CBFA2T2: variants seen among roughly 807,000 people sequenced by gnomAD.
CBFA2T2 encodes protein CBFA2T2.
Under a neutral mutation model 62.2 loss-of-function variants are expected in CBFA2T2, and 11 were observed. The observed-to-expected ratio is 0.18, with a 90% CI of 0.11 to 0.29. The LOEUF (loss-of-function observed/expected upper bound fraction) is 0.29, where lower values mean the gene tolerates loss of function less well. Among genes scored for constraint, CBFA2T2 ranks in the 10% least tolerant of loss-of-function variants. The probability of loss-of-function intolerance (pLI) is 1.00; values close to 1 mark genes in which losing one functional copy is unlikely to be tolerated. For synonymous variants in CBFA2T2, 295 were observed against 287.5 expected (o/e 1.03, Z -0.27); for missense variants, 592 against 774.1 (o/e 0.76, Z 2.79).
intron 4 of CBFA2T2, among the ~76,000 whole-genome samples, chr20:33,621,449 AC>A (rs1256305048): frequency 6.6e-6 from 1 of 151,596 alleles, no homozygotes; most frequent in East Asian, 1.9e-4. Context: ...GGCACGCGCC[AC>A]CACACCCGGC....
intron 1 of CBFA2T2, among the ~76,000 whole-genome samples, chr20:33,491,709 T>G (rs1017108267): frequency 6.7e-6 from 1 of 148,640 alleles, no homozygotes; most frequent in Non-Finnish European, 1.5e-5. Flanking sequence ...ATGAAAGGCT[T>G]TTTTTTTTTT....
At chr20:33,562,600 G>A (rs1374189904) in intron 1 of CBFA2T2, 2 of 985,664 alleles carry the variant, frequency 2.0e-6, no homozygotes, top group Non-Finnish European at 2.4e-6. Flanking sequence ...AGAAAAAGAG[G>A]AGCTTTGGAA....
At chr20:33,597,224 A>T (rs1396359301) in intron 1 of CBFA2T2, among the ~76,000 whole-genome samples, 1 of 151,824 alleles carries the variant, frequency 6.6e-6, no homozygotes, top group Non-Finnish European at 1.5e-5. Context: ...GAGCCACTGT[A>T]CCCGGCCTTT....
chr20:33,509,658 G>A (rs1023270860), intron 1 of CBFA2T2, among the ~76,000 whole-genome samples: 6 of 151,786 alleles, frequency 4.0e-5, no homozygotes, highest in African/African-American at 1.2e-4. Flanking sequence ...ATGAAACCTC[G>A]TCTCTACCAA....
intron 1 of CBFA2T2, chr20:33,562,199 A>G (rs1389011650): frequency 1.2e-5 from 2 of 162,176 alleles, no homozygotes; most frequent in Non-Finnish European, 2.6e-5. Flanking sequence ...GTTTTGCACA[A>G]TATCCTTGCT....
chr20:33,580,005 C>T (rs1487601985), intron 1 of CBFA2T2, among the ~76,000 whole-genome samples: 2 of 151,740 alleles, frequency 1.3e-5, no homozygotes, highest in Non-Finnish European at 2.9e-5. Flanking sequence ...TTAGTAGAGA[C>T]GGGGTTTCTC....
In CBFA2T2 at chr20:33,564,497, C is replaced by T. The variant is rs138093161; in HGVS notation, c.35-42459C>T. Among the ~76,000 whole-genome samples the T allele has an allele frequency of 3.7e-3, 564 of 151,938 alleles. 3 individuals are homozygous for T. Among genetic ancestry groups the T allele is most frequent in the African/African-American group, 0.013 (534 of 41,444 alleles). On this transcript the variant is annotated intron_variant, in intron 1 of 10. Coordinates refer to ENST00000342704, the MANE Select transcript of CBFA2T2 (RefSeq NM_001032999.3). The stretch of plus-strand genomic sequence containing the variant: ...GTCTTGAACTCCTGAACTTGTGATC[C>T]GCCTGCCTCAGCCTCCCAAAGTGCT...
chr20:33,490,390 G>A, intron 1 of CBFA2T2, 89 bp downstream of exon 1: 1 of 1,176,752 alleles, frequency 8.5e-7, no homozygotes, highest in Non-Finnish European at 1.1e-6. Flanking sequence ...CCCCGGGCGC[G>A]AGGCCGGGAG....
At chr20:33,620,318 G>A (rs1045419669) in intron 4 of CBFA2T2, among the ~76,000 whole-genome samples, 42 of 151,458 alleles carry the variant, frequency 2.8e-4, no homozygotes, top group Middle Eastern at 6.8e-3. Context: ...GACCAGACTG[G>A]CCAACATGGC....
intron 1 of CBFA2T2, among the ~76,000 whole-genome samples, chr20:33,582,946 A>C (rs1201076956): frequency 3.9e-5 from 6 of 152,188 alleles, no homozygotes; most frequent in African/African-American, 2.4e-5. Context: ...TCTAAAAAAA[A>C]AAAAAGAGGA....
chr20:33,500,107 G>A (rs774884832), intron 1 of CBFA2T2, among the ~76,000 whole-genome samples: 9 of 151,866 alleles, frequency 5.9e-5, no homozygotes, highest in Non-Finnish European at 8.8e-5. Context: ...ACAGGCGCCC[G>A]TCACCACACC....
At chr20:33,605,850 G>A (rs1357426340) in intron 1 of CBFA2T2, among the ~76,000 whole-genome samples, 1 of 150,564 alleles carries the variant, frequency 6.6e-6, no homozygotes, top group South Asian at 2.1e-4. Context: ...AGACAGAGTC[G>A]CTCTGTCACC....
intron 1 of CBFA2T2, among the ~76,000 whole-genome samples, chr20:33,550,406 G>A (rs2012706251): frequency 6.6e-6 from 1 of 152,108 alleles, no homozygotes; most frequent in African/African-American, 2.4e-5. Context: ...ATTAAATGGA[G>A]GGATTGGCTT....
In CBFA2T2 at chr20:33,648,010, T is replaced by A. The variant is rs1343037089; in HGVS notation, c.*3364T>A. ...CTCTGGTCAGGAGGAGGAGCACCAT[T>A]GGGGCGGGGTAGGCAGCTAGAGGCG... is the stretch of plus-strand genomic sequence containing the variant. On this transcript the variant is annotated 3_prime_UTR_variant, in exon 11 of 11. Coordinates refer to ENST00000342704, the MANE Select transcript of CBFA2T2 (RefSeq NM_001032999.3). 1 of 152,218 alleles carries A rather than the reference T, an allele frequency of 6.6e-6. No homozygotes were observed. The highest frequency in any genetic ancestry group is 1.5e-5 in the Non-Finnish European group (1 of 68,052). 9.4% of individuals were successfully genotyped at this position (152,218 alleles called of 1,614,324 possible). A position where few individuals can be genotyped will look rare whatever the true frequency, so the allele number is the denominator to read the frequency against.
chr20:33,625,112 A>C (rs1337647052), intron 6 of CBFA2T2, 95 bp downstream of exon 6: 1 of 1,250,736 alleles, frequency 8.0e-7, no homozygotes, highest in Non-Finnish European at 1.1e-6. Flanking sequence ...GCTTTTTCCC[A>C]CTGATTGGAT....
chr20:33,589,784 G>A (rs1051747921), intron 1 of CBFA2T2, among the ~76,000 whole-genome samples: 8 of 152,116 alleles, frequency 5.3e-5, no homozygotes, highest in African/African-American at 1.4e-4. Flanking sequence ...GAAATATAAT[G>A]TAAGCAACAA....
rs1321745230 is a variant in CBFA2T2 at position 33,640,334 on chromosome 20, C to A, written c.1298-7C>A. 2.5e-6 allele frequency: 4 copies of A among 1,609,494 alleles called. No individual in the cohort carries two copies. The highest frequency in any genetic ancestry group is 2.5e-6 in the Non-Finnish European group (3 of 1,176,676). ...GGCCAGTTGATTTTACTGTCACTTTCTTCTAGAAGAAGCTGTGAATAAGGT... is the reference window on the plus strand; with the variant it reads ...GGCCAGTTGATTTTACTGTCACTTTATTCTAGAAGAAGCTGTGAATAAGGT... On this transcript the variant is annotated splice_region_variant and splice_polypyrimidine_tract_variant and intron_variant, in intron 9 of 10. Coordinates refer to ENST00000342704, the MANE Select transcript of CBFA2T2 (RefSeq NM_001032999.3).
At chr20:33,593,297 A>C (rs1270929499) in intron 1 of CBFA2T2, among the ~76,000 whole-genome samples, 1 of 151,884 alleles carries the variant, frequency 6.6e-6, no homozygotes, top group Non-Finnish European at 1.5e-5. Context: ...GTGCCACTGC[A>C]CCCCAACCTG....
chr20:33,560,888 T>C (rs1236469040), intron 1 of CBFA2T2, among the ~76,000 whole-genome samples: 7 of 150,950 alleles, frequency 4.6e-5, no homozygotes, highest in Non-Finnish European at 1.0e-4. Flanking sequence ...TTGCTTTTGC[T>C]TTTTTTTTGA....
Sources: gnomAD v4.1 joint callset for allele counts (sites outside exome capture counted in the v4.1 genomes callset) on GRCh38, gnomAD v4.1.1 for gene constraint, MANE v1.5 for transcripts, NCBI Gene and HGNC (gene_info 2026-07-23, HGNC 2026-07-21) for gene names.